Variants in METTL21A observed in about 807,000 individuals in gnomAD.
The protein encoded by METTL21A is protein N-lysine methyltransferase METTL21A.
In METTL21A, 22 loss-of-function variants were observed where a neutral mutation model predicts 20.9. The observed-to-expected ratio is 1.05, with a 90% CI of 0.75 to 1.50. The LOEUF (loss-of-function observed/expected upper bound fraction) is 1.50. Ranked by LOEUF, METTL21A falls within the 40% of genes most tolerant of loss-of-function variation. METTL21A has a pLI of 0.00. For synonymous variants in METTL21A, 93 were observed against 102.0 expected, an observed-to-expected ratio of 0.91 and a Z score of 0.53; for missense variants, 271 against 266.8, an observed-to-expected ratio of 1.02 and a Z score of -0.11.
chr2:207,594,991 CTTTT>C (rs751274446), intron 3 of METTL21A, among the ~76,000 whole-genome samples: 1 of 118,820 alleles, frequency 8.4e-6, no homozygotes, highest in African/African-American at 3.1e-5. Flanking sequence ...TGTTGAGCAT[CTTTT>C]TTTTTTTTTT....
chr2:207,608,065 A>G (rs2088417629), downstream of METTL21A, among the ~76,000 whole-genome samples: 1 of 151,908 alleles, frequency 6.6e-6, no homozygotes, highest in Non-Finnish European at 1.5e-5. Context: ...TCCCTCTCCA[A>G]TATTGTCTTC....
chr2:207,587,633 AT>A (rs2084129590), intron 3 of METTL21A, among the ~76,000 whole-genome samples: 1 of 152,212 alleles, frequency 6.6e-6, no homozygotes, highest in Non-Finnish European at 1.5e-5. Flanking sequence ...AAAATACATC[AT>A]TTGTGGCCAT....
downstream of METTL21A, chr2:207,581,609 T>C: frequency 2.9e-6 from 1 of 350,382 alleles, no homozygotes; most frequent in Non-Finnish European, 5.1e-6. Context: ...ATTTTTAATA[T>C]ATTTTTAAGT....
In METTL21A at chr2:207,613,065, TTTCTC is replaced by T. The variant is rs754590538; in HGVS notation, c.633_637del (p.Arg212ProfsTer12). Reference sequence around the variant, plus strand: ...AGCCAATTATAAGTCCTCCTTCTGGTTTCTCTTCTGTGCTTCGTAAATATGTACAT... The same window carrying T: ...AGCCAATTATAAGTCCTCCTTCTGGTTTCTGTGCTTCGTAAATATGTACAT... On this transcript the variant is annotated frameshift_variant, in exon 4 of 4. Coordinates refer to ENST00000406927, the Ensembl canonical transcript of METTL21A. LOFTEE classifies it high-confidence loss of function. 6.4e-7 allele frequency: 1 copy of T among 1,565,130 alleles called. No individual in the cohort carries two copies. The highest frequency in any genetic ancestry group is 1.2e-5 in the South Asian group (1 of 82,278).
rs1488517809 is a variant in METTL21A at position 207,614,132 on chromosome 2, G to A, written c.260-689C>T. ...TATCTGGGAGCAGGCCAGGTACAGT[G>A]GCTCATGCCTGTAATCCCAGCACTT... On this transcript the variant is annotated intron_variant, in intron 3 of 3. Transcript: ENST00000406927. 3.3e-5 allele frequency among the ~76,000 whole-genome samples: 5 copies of A among 152,088 alleles called. No individual in the cohort carries two copies. In the East Asian group the frequency reaches 9.6e-4, roughly 29 times the overall value.
At chr2:207,590,464 G>A (rs1056829256) in intron 3 of METTL21A, among the ~76,000 whole-genome samples, 4 of 151,546 alleles carry the variant, frequency 2.6e-5, no homozygotes, top group African/African-American at 9.7e-5. Flanking sequence ...TTTGTACTCT[G>A]ATCTTTGTTA....
chr2:207,620,500 C>G (rs906674915), intron 3 of METTL21A: 1 of 394,294 alleles, frequency 2.5e-6, no homozygotes, highest in African/African-American at 2.1e-5. Flanking sequence ...CTAACTGTGT[C>G]TAACAAGCCT....
intron 3 of METTL21A, 108 bp downstream of exon 3, chr2:207,621,698 A>G (rs2090496247): frequency 3.2e-6 from 3 of 950,030 alleles, no homozygotes; most frequent in Non-Finnish European, 5.1e-6. Context: ...TAAGCAAAAG[A>G]TAATAACCCA....
chr2:207,616,328 C>T (rs1410202592), intron 3 of METTL21A, among the ~76,000 whole-genome samples: 1 of 152,236 alleles, frequency 6.6e-6, no homozygotes, highest in Non-Finnish European at 1.5e-5. Context: ...ATTTTACCAG[C>T]TCATAGATAA....
Position 207,613,297 on chromosome 2 carries a change from C to A in METTL21A, c.406G>T (p.Glu136Ter). ...TCAGCACCAAGTATCAGGTCAAATT[C>A]TCCAGGAGAAAAACTCCCCAAATTT... The change falls in exon 4 of 4, where the codon GAA becomes TAA. Residue 136 changes from glutamate to a stop codon, truncating the protein, a stop_gained. Coordinates refer to ENST00000406927, the Ensembl canonical transcript of METTL21A. LOFTEE classifies it high-confidence loss of function. 2 of 1,614,118 alleles carry A rather than the reference C, an allele frequency of 1.2e-6. No homozygotes were observed. Among genetic ancestry groups the A allele is most frequent in the Non-Finnish European group, 1.7e-6 (2 of 1,180,006 alleles).
intron 3 of METTL21A, among the ~76,000 whole-genome samples, chr2:207,590,312 C>CCT (rs140908499): frequency 4.6e-5 from 7 of 151,458 alleles, no homozygotes; most frequent in African/African-American, 1.7e-4. Context: ...TTTTGTCTTT[C>CCT]CTCTCTCTCT....
At chr2:207,590,083 G>GTT (rs59126515) in intron 3 of METTL21A, among the ~76,000 whole-genome samples, 1,061 of 76,024 alleles carry the variant, frequency 0.014, 43 homozygotes, top group East Asian at 0.063. Flanking sequence ...ATTTTGAGAA[G>GTT]TTTTTTTTTT....
At chr2:207,589,705 A>G (rs2084592984) in intron 3 of METTL21A, among the ~76,000 whole-genome samples, 1 of 152,152 alleles carries the variant, frequency 6.6e-6, no homozygotes, top group African/African-American at 2.4e-5. Flanking sequence ...TCCAGAATCT[A>G]CTGAGGTGAT....
At chr2:207,582,910 CAAA>C (rs762922292) in intron 3 of METTL21A, 17 of 201,326 alleles carry the variant, frequency 8.4e-5, no homozygotes, top group African/African-American at 3.7e-4. Flanking sequence ...AACAAACAAA[CAAA>C]AAAAAATATA....
downstream of METTL21A, chr2:207,609,303 A>C (rs2106855551): frequency 6.6e-6 from 1 of 152,346 alleles, no homozygotes; most frequent in African/African-American, 2.4e-5. Flanking sequence ...TTGCAGTCTA[A>C]ATTTAAGCTA....
At chr2:207,586,984 CTG>C (rs2083960934) in intron 3 of METTL21A, among the ~76,000 whole-genome samples, 1 of 152,150 alleles carries the variant, frequency 6.6e-6, no homozygotes, top group Non-Finnish European at 1.5e-5. Flanking sequence ...GAAGTAAACA[CTG>C]ATGATGCAGA....
At chr2:207,621,561 TG>T (rs2090478585) in intron 3 of METTL21A, among the ~76,000 whole-genome samples, 1 of 152,134 alleles carries the variant, frequency 6.6e-6, no homozygotes, top group South Asian at 2.1e-4. Flanking sequence ...CAATCTCCCA[TG>T]GGAAGTATAA....
chr2:207,590,293 AT>A (rs760999755), intron 3 of METTL21A, among the ~76,000 whole-genome samples: 4 of 151,548 alleles, frequency 2.6e-5, no homozygotes, highest in Non-Finnish European at 4.4e-5. Flanking sequence ...CATTCCTAAT[AT>A]TGTTAATTTT....
chr2:207,581,574 C>T, downstream of METTL21A: 1 of 259,352 alleles, frequency 3.9e-6, no homozygotes, highest in East Asian at 6.1e-5. Context: ...TTTTTTTACT[C>T]AAACCAGTAC....
Sources: gnomAD v4.1 joint callset for allele counts (sites outside exome capture counted in the v4.1 genomes callset) on GRCh38, gnomAD v4.1.1 for gene constraint, MANE v1.5 for transcripts, NCBI Gene and HGNC (gene_info 2026-07-23, HGNC 2026-07-21) for gene names.